PXDN: variants seen among roughly 807,000 people sequenced by gnomAD.
PXDN encodes peroxidasin homolog.
PXDN carries 77 observed loss-of-function variants against 140.3 expected under a neutral mutation model. That is an observed-to-expected ratio of 0.55 (90% CI 0.46 to 0.66). PXDN has a LOEUF of 0.66. Ranked by LOEUF, PXDN falls within the 30% of genes least tolerant of loss-of-function variation. The pLI is 0.00. For missense variants in PXDN, 1,838 were observed against 2,039.5 expected (o/e 0.90, Z 1.90); for synonymous variants, 911 against 857.4 (o/e 1.06, Z -1.09).
rs1684180240 is a variant in PXDN at position 1,691,401 on chromosome 2, G to GT, written c.344+526dup. Among the ~76,000 whole-genome samples the GT allele has an allele frequency of 2.0e-5, 3 of 152,282 alleles. No individual in the cohort carries two copies. In the South Asian group the frequency reaches 6.2e-4, roughly 32 times the overall value. ...AATGAAAATAAATCGATTAAAATCA[G>GT]TTTTTAAAAGTGAAATAAAATTTAA... On this transcript the variant is annotated intron_variant, in intron 3 of 22. Coordinates refer to ENST00000252804, the MANE Select transcript of PXDN (RefSeq NM_012293.3).
At chr2:1,657,349 G>A (rs1244662475) in intron 14 of PXDN, among the ~76,000 whole-genome samples, 1 of 148,278 alleles carries the variant, frequency 6.7e-6, no homozygotes, top group African/African-American at 2.5e-5. Flanking sequence ...ACTGAAACCA[G>A]CCCCAACCTG....
chr2:1,739,253 G>C (rs1031781343), intron 1 of PXDN, among the ~76,000 whole-genome samples: 2 of 152,054 alleles, frequency 1.3e-5, no homozygotes, highest in Non-Finnish European at 2.9e-5. Flanking sequence ...TAGCTCTGTC[G>C]GAAGGGAACT....
intron 6 of PXDN, among the ~76,000 whole-genome samples, chr2:1,683,106 G>C (rs1455885309): frequency 6.6e-6 from 1 of 152,058 alleles, no homozygotes; most frequent in Non-Finnish European, 1.5e-5. Flanking sequence ...TAATGGCTGG[G>C]CATGGTGGCT....
chr2:1,721,014 A>G lies in PXDN; in HGVS notation c.200+23242T>C, dbSNP rs140240468. On this transcript the variant is annotated intron_variant, in intron 1 of 22. Transcript: ENST00000252804. Reference sequence around the variant, plus strand: ...CGGGGAGGTCAGCCTTTATTCCGTTAAGGCCTTCAACTAACTGGACGAGGT... The same window carrying G: ...CGGGGAGGTCAGCCTTTATTCCGTTGAGGCCTTCAACTAACTGGACGAGGT... Among the ~76,000 whole-genome samples the G allele has an allele frequency of 7.9e-4, 120 of 152,270 alleles. 1 individual carries two copies. Among genetic ancestry groups the G allele is most frequent in the African/African-American group, 2.8e-3 (117 of 41,558 alleles).
intron 2 of PXDN, among the ~76,000 whole-genome samples, chr2:1,692,355 G>T (rs1445234284): frequency 6.6e-6 from 1 of 152,222 alleles, no homozygotes; most frequent in Non-Finnish European, 1.5e-5. Context: ...AGTCATGGTG[G>T]GAGGGTGGTC....
chr2:1,653,660 T>C lies in PXDN; in HGVS notation c.2072A>G (p.Gln691Arg). 1 of 1,612,872 alleles carries C rather than the reference T, an allele frequency of 6.2e-7. No individual in the cohort carries two copies. Among genetic ancestry groups the C allele is most frequent in the Non-Finnish European group, 8.5e-7 (1 of 1,179,570 alleles). ...GTTGAGGTCGACCATCAAGCCATGC[T>C]GTACATGCTCCTGAATGAGCTGCAA... ...RTLQLIQEHV[Q>R]HGLMVDLNGT... The change falls in exon 16 of 23, where the codon CAG (glutamine) becomes CGG (arginine). Residue 691 changes from glutamine to arginine, a missense_variant. Gln to Arg is a conservative substitution (Grantham distance 43, BLOSUM62 1). Around this residue, in one of 5 missense-constraint regions of PXDN, gnomAD observed 537 missense variants for 583.9 expected, o/e 0.92. Coordinates refer to ENST00000252804, the MANE Select transcript of PXDN (RefSeq NM_012293.3).
At chr2:1,637,345 C>T (rs62116572) in intron 21 of PXDN, among the ~76,000 whole-genome samples, 114,447 of 136,490 alleles carry the variant, frequency 0.84, 48,694 homozygotes, top group East Asian at 0.98. Context: ...GGGCAGCTGC[C>T]GGGGGATGTG....
At chr2:1,655,480 A>G (rs949300885) in intron 14 of PXDN, among the ~76,000 whole-genome samples, 26 of 151,508 alleles carry the variant, frequency 1.7e-4, no homozygotes, top group Admixed American at 3.3e-4. Flanking sequence ...GCACAAACAC[A>G]CCAGAGGTAT....
At chr2:1,708,153 T>G (rs997349730) in intron 1 of PXDN, among the ~76,000 whole-genome samples, 6 of 152,220 alleles carry the variant, frequency 3.9e-5, no homozygotes, top group Non-Finnish European at 8.8e-5. Context: ...TTGCTGGAGC[T>G]GAGATCGTGG....
At chr2:1,679,088 ATGTGTGTGTGTGTGTGTG>A (rs111613941) in intron 7 of PXDN, among the ~76,000 whole-genome samples, 2 of 147,952 alleles carry the variant, frequency 1.4e-5, no homozygotes, top group African/African-American at 5.0e-5. Context: ...ATGTGCATGC[ATGTGTGTGTGTGTGTGTG>A]TGTGTGTGTG....
chr2:1,671,383 A>C (rs6741908), intron 9 of PXDN, among the ~76,000 whole-genome samples: 53,365 of 152,042 alleles, frequency 0.35, 10,980 homozygotes, highest in East Asian at 0.51. Flanking sequence ...ATTTAAATGG[A>C]TTAACTTTAA....
intron 1 of PXDN, among the ~76,000 whole-genome samples, chr2:1,735,990 A>G (rs1281075442): frequency 3.9e-5 from 6 of 152,168 alleles, no homozygotes; most frequent in African/African-American, 1.2e-4. Context: ...TTCACCTTGC[A>G]CTTTTATCTT....
Position 1,633,583 on chromosome 2 carries a change from G to A in PXDN, c.*621C>T, listed in dbSNP as rs1682470128. The A allele has an allele frequency of 6.6e-6, 1 of 151,824 alleles. No homozygotes were observed. The highest frequency in any genetic ancestry group is 2.4e-5 in the African/African-American group (1 of 41,314). The allele number at this position is 151,824 out of a possible 1,614,324, so 9.4% of individuals were successfully genotyped here. ...GTGAAATGTTACAGAGAGCCCAGAG[G>A]AAGGAGGAGTTCAGAGGTTCCCAGG... is the stretch of plus-strand genomic sequence containing the variant. On this transcript the variant is annotated 3_prime_UTR_variant, in exon 23 of 23. Transcript: ENST00000252804.
intron 14 of PXDN, among the ~76,000 whole-genome samples, chr2:1,657,869 G>T (rs1236993342): frequency 5.0e-5 from 7 of 139,706 alleles, no homozygotes; most frequent in African/African-American, 2.1e-4. Context: ...ACAAGGACGT[G>T]CCCCCTCCTG....
At chr2:1,726,574 TATA>T (rs902037373) in intron 1 of PXDN, among the ~76,000 whole-genome samples, 1 of 152,098 alleles carries the variant, frequency 6.6e-6, no homozygotes, top group Non-Finnish European at 1.5e-5. Context: ...AAACTTAAAG[TATA>T]ATAATAATAA....
rs533681329 is a variant in PXDN, at chr2:1,656,555, C to T, written c.1838-2047G>A. 4.0e-5 allele frequency among the ~76,000 whole-genome samples: 6 copies of T among 150,814 alleles called. No homozygotes were observed. In the East Asian group the frequency reaches 1.2e-3, roughly 29 times the overall value. The stretch of plus-strand genomic sequence containing the variant: ...GAAAGCTGCCCCCTCCTGACTGAAA[C>T]CTGCCACTTCCTGACAGGGACCTGT... On this transcript the variant is annotated intron_variant, in intron 14 of 22. Transcript: ENST00000252804.
chr2:1,702,980 C>G lies in PXDN; in HGVS notation c.201-9846G>C, dbSNP rs181077531. 1.7e-3 allele frequency among the ~76,000 whole-genome samples: 174 copies of G among 102,214 alleles called. 6 individuals carry two copies. In the East Asian group the frequency reaches 0.037, roughly 22 times the overall value. 67.1% of individuals were successfully genotyped at this position (102,214 alleles called of 152,430 possible). On this transcript the variant is annotated intron_variant, in intron 1 of 22. Transcript: ENST00000252804. ...TTCAGTCTAGAAAGGCGGGACAACT[C>G]CAGGTGAAGGGGGGGACAACTCCAG...
chr2:1,710,750 C>T (rs1345244409), intron 1 of PXDN, among the ~76,000 whole-genome samples: 7 of 85,354 alleles, frequency 8.2e-5, no homozygotes, highest in Admixed American at 1.3e-4. Context: ...GCACCCACTC[C>T]ACCAGCACCC....
chr2:1,733,371 AAC>A (rs1252433011), intron 1 of PXDN, among the ~76,000 whole-genome samples: 1 of 152,178 alleles, frequency 6.6e-6, no homozygotes, highest in Non-Finnish European at 1.5e-5. Context: ...AGCGGCCAGA[AAC>A]ACACAGACGT....
Sources: allele counts gnomAD v4.1 joint callset (sites outside exome capture counted in the v4.1 genomes callset), GRCh38; gene constraint gnomAD v4.1.1; regional missense constraint gnomAD v4.1.1; transcripts MANE v1.5; gene names NCBI Gene and HGNC (gene_info 2026-07-23, HGNC 2026-07-21).